Variants in GRIA4 observed in about 807,000 individuals in gnomAD.
GRIA4 encodes glutamate ionotropic receptor AMPA type subunit 4, also known as glutamate receptor 4.
In GRIA4, 34 loss-of-function variants were observed where a neutral mutation model predicts 104.0. That is an observed-to-expected ratio of 0.33 (90% confidence interval 0.25 to 0.44). The LOEUF (loss-of-function observed/expected upper bound fraction) is 0.44, where lower values mean the gene tolerates loss of function less well. Ranked by LOEUF, GRIA4 falls within the 20% of genes least tolerant of loss-of-function variation. The pLI is 1.00. For synonymous variants in GRIA4, 386 were observed against 381.9 expected (o/e 1.01, Z -0.13); for missense variants, 750 against 1,096.5 (o/e 0.68, Z 4.46).
intron 3 of GRIA4, among the ~76,000 whole-genome samples, chr11:105,719,188 A>G (rs1954209202): frequency 6.6e-6 from 1 of 152,050 alleles, no homozygotes; most frequent in Non-Finnish European, 1.5e-5. Flanking sequence ...AAGTGCTACA[A>G]AGAGTTCTAT....
chr11:105,695,899 C>A (rs1458078344), intron 3 of GRIA4, among the ~76,000 whole-genome samples: 3 of 152,120 alleles, frequency 2.0e-5, no homozygotes, highest in African/African-American at 7.2e-5. Flanking sequence ...CCATTGTATT[C>A]TAGTCTCTCT....
chr11:105,619,541 AGTCTAAAGCC>A (rs1274312759), intron 3 of GRIA4, among the ~76,000 whole-genome samples: 24 of 152,134 alleles, frequency 1.6e-4, no homozygotes, highest in Admixed American at 2.6e-4. Context: ...CACGTACAGA[AGTCTAAAGCC>A]ATATTTGTCA....
intron 4 of GRIA4, among the ~76,000 whole-genome samples, chr11:105,830,987 C>T (rs1409841515): frequency 6.6e-6 from 1 of 151,974 alleles, no homozygotes. Flanking sequence ...CACACACACA[C>T]ACATTTTTTA....
At chr11:105,912,711 T>C (rs1947292101) in intron 10 of GRIA4, 1 of 954,712 alleles carries the variant, frequency 1.0e-6, no homozygotes, top group Middle Eastern at 5.4e-4. Context: ...AATCGTTCAG[T>C]AATTCAAAAA....
At chr11:105,952,801 A>G (rs1391447126) in intron 14 of GRIA4, among the ~76,000 whole-genome samples, 1 of 152,150 alleles carries the variant, frequency 6.6e-6, no homozygotes, top group Non-Finnish European at 1.5e-5. Flanking sequence ...CTCATTGCAA[A>G]TCATGCTGGG....
At chr11:105,690,453 T>C (rs551718624) in intron 3 of GRIA4, among the ~76,000 whole-genome samples, 1 of 152,322 alleles carries the variant, frequency 6.6e-6, no homozygotes, top group East Asian at 1.9e-4. Context: ...TTTTAATTAG[T>C]AATCAGTCAC....
chr11:105,789,631 T>C (rs1942128444), intron 4 of GRIA4, among the ~76,000 whole-genome samples: 1 of 152,074 alleles, frequency 6.6e-6, no homozygotes, highest in Non-Finnish European at 1.5e-5. Context: ...TAGGCATCAG[T>C]TTTTCAGCTG....
At position 105,816,393 on chromosome 11, in the gene GRIA4, T is replaced by C. The variant is rs139735793; in HGVS notation, c.488-45631T>C. Among the ~76,000 whole-genome samples the C allele has an allele frequency of 3.3e-3, 507 of 152,182 alleles. 1 individual carries two copies. Among genetic ancestry groups the C allele is most frequent in the African/African-American group, 0.011 (472 of 41,546 alleles). ...ATCCCTCTTGATCCTGTTCTCATGA[T>C]AGTGAGTGAGTTCTCATGAGATCTG... On this transcript the variant is annotated intron_variant, in intron 4 of 16. Transcript: ENST00000282499.
intron 14 of GRIA4, among the ~76,000 whole-genome samples, chr11:105,952,769 T>A (rs141633997): frequency 5.4e-4 from 83 of 152,302 alleles, no homozygotes; most frequent in African/African-American, 1.8e-3. Flanking sequence ...AAATCCTTCC[T>A]TATCAAAGTA....
At position 105,903,964 on chromosome 11, in the gene GRIA4, G is replaced by A. The variant is rs552900409; in HGVS notation, c.1036G>A (p.Glu346Lys). 6 of 1,608,112 alleles carry A rather than the reference G, an allele frequency of 3.7e-6. No homozygotes were observed. Among genetic ancestry groups the A allele is most frequent in the South Asian group, 2.2e-5 (2 of 90,036 alleles). ...TCCATGGGGCCAGGGAATTGACATG[G>A]AGAGGACACTCAAACAGGTAACTCA... ...AAPWGQGIDM[E>K]RTLKQVRIQG... Residue 346 changes from glutamate to lysine, a missense_variant, in exon 8 of 17, where the codon GAG becomes AAG. Around this residue, in one of 3 missense-constraint regions of GRIA4, gnomAD observed 410 missense variants for 502.7 expected, o/e 0.82. Coordinates refer to ENST00000282499, the MANE Select transcript of GRIA4 (RefSeq NM_000829.4).
At position 105,979,985 on chromosome 11, in the gene GRIA4, G is replaced by T. The variant is rs139803364; in HGVS notation, c.*246G>T. On this transcript the variant is annotated 3_prime_UTR_variant, in exon 17 of 17. Coordinates refer to ENST00000282499, the MANE Select transcript of GRIA4 (RefSeq NM_000829.4). ...GAGGTTTTTTTCGGGGAGTGGGTGG[G>T]GGAGGGATCTGGGATGGGTGTATTA... The T allele has an allele frequency of 4.8e-4, 200 of 415,664 alleles. No individual in the cohort carries two copies. Among genetic ancestry groups the T allele is most frequent in the Non-Finnish European group, 7.7e-4 (174 of 226,458 alleles). 25.7% of individuals were successfully genotyped at this position (415,664 alleles called of 1,614,324 possible).
At chr11:105,630,914 G>GT (rs1951020018) in intron 3 of GRIA4, among the ~76,000 whole-genome samples, 1 of 152,086 alleles carries the variant, frequency 6.6e-6, no homozygotes, top group Non-Finnish European at 1.5e-5. Flanking sequence ...CTCCCTCTGA[G>GT]TTCTTATGTC....
chr11:105,914,464 T>C (rs557561132), intron 10 of GRIA4, among the ~76,000 whole-genome samples: 1 of 152,240 alleles, frequency 6.6e-6, no homozygotes, highest in East Asian at 1.9e-4. Flanking sequence ...GTTTCGATAG[T>C]TCCACTTTTG....
intron 10 of GRIA4, among the ~76,000 whole-genome samples, chr11:105,916,482 CA>C (rs748177106): frequency 3.9e-5 from 6 of 152,098 alleles, no homozygotes; most frequent in African/African-American, 1.2e-4. Context: ...GCCATTATTA[CA>C]AAAAAATTAT....
Position 105,979,802 on chromosome 11 carries a change from G to C in GRIA4, c.*63G>C. Reference sequence around the variant, plus strand: ...TGGTGACTGGTGGAAACGCAGCCCTGAGGGACACGCCACGCGCGGGTCTTT... The same window carrying C: ...TGGTGACTGGTGGAAACGCAGCCCTCAGGGACACGCCACGCGCGGGTCTTT... On this transcript the variant is annotated 3_prime_UTR_variant, in exon 17 of 17. Transcript: ENST00000282499. The C allele has an allele frequency of 7.7e-6, 10 of 1,297,028 alleles. No individual in the cohort carries two copies. The highest frequency in any genetic ancestry group is 1.1e-5 in the Non-Finnish European group (10 of 908,932). 80.3% of individuals were successfully genotyped at this position (1,297,028 alleles called of 1,614,324 possible). A position where few individuals can be genotyped will look rare whatever the true frequency, so the allele number is the denominator to read the frequency against.
intron 5 of GRIA4, among the ~76,000 whole-genome samples, chr11:105,871,933 GATGCTAAAGCAACATTTATGTTT>G (rs1450395846): frequency 6.6e-6 from 1 of 152,034 alleles, no homozygotes; most frequent in Non-Finnish European, 1.5e-5. Context: ...ATAAGAAAAT[GATGCTAAAGCAACATTTATGTTT>G]ATGCTAAAGC....
intron 11 of GRIA4, among the ~76,000 whole-genome samples, chr11:105,921,500 G>A (rs1202523800): frequency 1.3e-5 from 2 of 152,132 alleles, no homozygotes; most frequent in Non-Finnish European, 2.9e-5. Flanking sequence ...GGCAGAGGAA[G>A]CCCATGTGTA....
At chr11:105,862,278 C>A in intron 5 of GRIA4, 70 bp downstream of exon 5, 1 of 810,926 alleles carries the variant, frequency 1.2e-6, no homozygotes, top group Non-Finnish European at 2.0e-6. Flanking sequence ...TTGACTTGTC[C>A]CCATCAACAT....
At chr11:105,853,176 G>A (rs1944881809) in intron 4 of GRIA4, among the ~76,000 whole-genome samples, 1 of 152,130 alleles carries the variant, frequency 6.6e-6, no homozygotes, top group African/African-American at 2.4e-5. Context: ...CTCAATTAAT[G>A]AGTCAGTTTT....
Sources: allele counts gnomAD v4.1 joint callset (sites outside exome capture counted in the v4.1 genomes callset), GRCh38; gene constraint gnomAD v4.1.1; regional missense constraint gnomAD v4.1.1; transcripts MANE v1.5; gene names NCBI Gene and HGNC (gene_info 2026-07-23, HGNC 2026-07-21).